The following SAMD12 variants were observed in gnomAD, a reference collection of about 807,000 sequenced individuals.
SAMD12 encodes sterile alpha motif domain containing 12, also known as sterile alpha motif domain-containing protein 12.
In SAMD12, 9 loss-of-function variants were observed where a neutral mutation model predicts 15.0. The observed-to-expected ratio is 0.60, with a 90% confidence interval of 0.36 to 1.05. The LOEUF (loss-of-function observed/expected upper bound fraction) is 1.05. Among genes scored for constraint, SAMD12 ranks in the 50% least tolerant of loss-of-function variants. The pLI is 0.01. For synonymous variants in SAMD12, 86 were observed against 90.1 expected (o/e 0.96, Z 0.25); for missense variants, 230 against 234.2 (o/e 0.98, Z 0.12).
chr8:118,298,512 C>T (rs756206848), intron 4 of SAMD12, among the ~76,000 whole-genome samples: 5 of 152,024 alleles, frequency 3.3e-5, no homozygotes, highest in African/African-American at 9.7e-5. Flanking sequence ...GAACTGCCAC[C>T]CAGACATAAC....
intron 4 of SAMD12, among the ~76,000 whole-genome samples, chr8:118,281,718 C>T (rs1197698585): frequency 6.6e-6 from 1 of 152,150 alleles, no homozygotes; most frequent in Admixed American, 6.5e-5. Context: ...TGGTAGAGTG[C>T]TGAGTAGCCT....
At chr8:118,556,943 G>A (rs774496325) in intron 2 of SAMD12, among the ~76,000 whole-genome samples, 6 of 151,112 alleles carry the variant, frequency 4.0e-5, no homozygotes, top group Non-Finnish European at 7.4e-5. Context: ...CAGCCCAGGC[G>A]ACAGTGCGAG....
At chr8:118,454,917 T>C (rs1473674906) in intron 2 of SAMD12, among the ~76,000 whole-genome samples, 1 of 152,270 alleles carries the variant, frequency 6.6e-6, no homozygotes, top group Non-Finnish European at 1.5e-5. Flanking sequence ...CTCATTTCAC[T>C]CAGCCTATTG....
In SAMD12 at chr8:118,328,476, G is replaced by A. The variant is rs188028928; in HGVS notation, c.433+51084C>T. On this transcript the variant is annotated intron_variant, in intron 4 of 4. Coordinates refer to the SAMD12 transcript ENST00000409003. ...ATTATAAAGCAATTCATTCACAACT[G>A]TTATTTAATAATTATTTGTGCAATT... Among the ~76,000 whole-genome samples the A allele has an allele frequency of 1.3e-4, 20 of 152,124 alleles. No homozygotes were observed. The East Asian group carries it at 3.5e-3, about 26-fold the overall frequency.
chr8:118,418,737 T>C (rs976045114), intron 3 of SAMD12, among the ~76,000 whole-genome samples: 5 of 148,104 alleles, frequency 3.4e-5, no homozygotes, highest in African/African-American at 1.2e-4. Flanking sequence ...AAAAGAAAAG[T>C]CAGCCAGTTT....
intron 3 of SAMD12, among the ~76,000 whole-genome samples, chr8:118,411,756 A>C (rs2130815120): frequency 1.3e-5 from 2 of 152,338 alleles, no homozygotes; most frequent in South Asian, 4.1e-4. Context: ...GATACAGTAT[A>C]AAAGAGGGCT....
chr8:118,328,589 T>G (rs1407619462), intron 4 of SAMD12, among the ~76,000 whole-genome samples: 1 of 152,224 alleles, frequency 6.6e-6, no homozygotes, highest in East Asian at 1.9e-4. Context: ...AAAAATATGA[T>G]GAATGACTGA....
chr8:118,288,137 A>G (rs989564863), intron 4 of SAMD12: 4 of 152,190 alleles, frequency 2.6e-5, no homozygotes, highest in Non-Finnish European at 5.9e-5. Flanking sequence ...AATACTAGCT[A>G]TTAACTATGA....
chr8:118,358,467 C>A (rs1346361152), intron 4 of SAMD12, among the ~76,000 whole-genome samples: 1 of 152,158 alleles, frequency 6.6e-6, no homozygotes, highest in Non-Finnish European at 1.5e-5. Flanking sequence ...CAACAACCAG[C>A]GGCCAATTTC....
At chr8:118,272,549 TG>T (rs1234052384) in intron 4 of SAMD12, among the ~76,000 whole-genome samples, 2 of 152,200 alleles carry the variant, frequency 1.3e-5, no homozygotes, top group Non-Finnish European at 2.9e-5. Context: ...CCCCAGAAAA[TG>T]GGGTTTTCTT....
chr8:118,251,530 T>C (rs1812820289), intron 4 of SAMD12, among the ~76,000 whole-genome samples: 1 of 152,172 alleles, frequency 6.6e-6, no homozygotes, highest in East Asian at 1.9e-4. Context: ...AACCTTTTGC[T>C]TTTGGGTTAC....
intron 4 of SAMD12, among the ~76,000 whole-genome samples, chr8:118,344,166 A>C (rs1054133768): frequency 2.0e-5 from 3 of 152,074 alleles, no homozygotes; most frequent in Non-Finnish European, 4.4e-5. Flanking sequence ...TTCATTGTTG[A>C]CTTTCTGACT....
intron 1 of SAMD12, among the ~76,000 whole-genome samples, chr8:118,588,756 C>G (rs1195399830): frequency 1.3e-5 from 2 of 152,146 alleles, no homozygotes; most frequent in Non-Finnish European, 2.9e-5. Flanking sequence ...CTCCTTTACT[C>G]TAGCAACATC....
At chr8:118,467,525 G>A (rs561776492) in intron 2 of SAMD12, among the ~76,000 whole-genome samples, 1 of 152,172 alleles carries the variant, frequency 6.6e-6, no homozygotes, top group South Asian at 2.1e-4. Flanking sequence ...GTCATCTTTT[G>A]TGCACCCCTG....
intron 4 of SAMD12, among the ~76,000 whole-genome samples, chr8:118,328,998 A>G (rs1313250200): frequency 6.6e-6 from 1 of 152,240 alleles, no homozygotes; most frequent in Non-Finnish European, 1.5e-5. Flanking sequence ...TTTTATAAGC[A>G]TCTAGAAACC....
At chr8:118,464,080 G>A (rs1823515196) in intron 2 of SAMD12, among the ~76,000 whole-genome samples, 1 of 152,148 alleles carries the variant, frequency 6.6e-6, no homozygotes, top group African/African-American at 2.4e-5. Flanking sequence ...TTGCTAAAAG[G>A]ATTAGGATTT....
At chr8:118,455,337 T>C (rs1489033839) in intron 2 of SAMD12, among the ~76,000 whole-genome samples, 1 of 152,008 alleles carries the variant, frequency 6.6e-6, no homozygotes, top group African/African-American at 2.4e-5. Context: ...TTACTAAACA[T>C]TGGACCTTCC....
intron 2 of SAMD12, among the ~76,000 whole-genome samples, chr8:118,492,121 C>CTTTTTTTTTTTT (rs1586760425): frequency 8.9e-6 from 1 of 112,580 alleles, no homozygotes. Flanking sequence ...ACTGGTGTTG[C>CTTTTTTTTTTTT]CTTTTTTTTT....
At chr8:118,546,481 T>C (rs1826128822) in intron 2 of SAMD12, among the ~76,000 whole-genome samples, 2 of 151,682 alleles carry the variant, frequency 1.3e-5, no homozygotes, top group Admixed American at 1.3e-4. Flanking sequence ...TCTCACTGGC[T>C]GTCAAGGGAA....
Sources: gnomAD v4.1 joint callset for allele counts (sites outside exome capture counted in the v4.1 genomes callset) on GRCh38, gnomAD v4.1.1 for gene constraint, MANE v1.5 for transcripts, NCBI Gene and HGNC (gene_info 2026-07-23, HGNC 2026-07-21) for gene names.